Variants in FGGY observed in about 807,000 individuals in gnomAD.
FGGY encodes FGGY carbohydrate kinase domain containing.
In FGGY, 72 loss-of-function variants were observed where a neutral mutation model predicts 71.3. The ratio of observed to expected loss-of-function variants is 1.01; its 90% CI spans 0.84 to 1.23. The LOEUF is 1.23. FGGY is among the 50% of genes most tolerant of loss of function. The pLI, the probability that FGGY is intolerant of heterozygous loss-of-function variation, is 0.00. For missense variants in FGGY, 668 were observed against 682.3 expected (o/e 0.98, Z 0.23); for synonymous variants, 251 against 250.3 (o/e 1.00, Z -0.02).
chr1:59,554,250 CA>C, intron 8 of FGGY, 23 bp downstream of exon 8: 1 of 1,584,688 alleles, frequency 6.3e-7, no homozygotes, highest in Non-Finnish European at 8.7e-7. Flanking sequence ...AGCACAAAGG[CA>C]AGGCCACCAC....
intron 5 of FGGY, among the ~76,000 whole-genome samples, chr1:59,445,969 G>A (rs1232282394): frequency 6.6e-6 from 1 of 152,160 alleles, no homozygotes; most frequent in East Asian, 1.9e-4. Context: ...TAACTTCTGA[G>A]CCTCAGTATT....
At chr1:59,498,961 C>G (rs137915310) in intron 6 of FGGY, among the ~76,000 whole-genome samples, 24 of 152,336 alleles carry the variant, frequency 1.6e-4, no homozygotes, top group Non-Finnish European at 3.1e-4. Context: ...TGGACACTTT[C>G]TGCTGCTTCT....
chr1:59,422,522 G>A lies in FGGY; in HGVS notation c.555-34439G>A, dbSNP rs758302744. 5.9e-5 allele frequency among the ~76,000 whole-genome samples: 9 copies of A among 151,818 alleles called. No homozygotes were observed. The South Asian group carries it at 8.4e-4, about 14-fold the overall frequency. The stretch of plus-strand genomic sequence containing the variant: ...CCAGCCTGGGCAACATGGAAAAACC[G>A]ATCTGTACTAAAAAACTGGAAAATT... On this transcript the variant is annotated intron_variant, in intron 5 of 15. Transcript: ENST00000303721.
chr1:59,585,820 G>A (rs562979563), intron 8 of FGGY, among the ~76,000 whole-genome samples: 27 of 151,964 alleles, frequency 1.8e-4, no homozygotes, highest in African/African-American at 6.5e-4. Context: ...AAACAAATTT[G>A]CAAGAAAAAA....
chr1:59,532,533 T>A (rs2095175360), intron 7 of FGGY, among the ~76,000 whole-genome samples: 1 of 152,210 alleles, frequency 6.6e-6, no homozygotes, highest in Non-Finnish European at 1.5e-5. Flanking sequence ...AATCAATTAA[T>A]GCAATTCCAT....
intron 4 of FGGY, among the ~76,000 whole-genome samples, chr1:59,368,266 G>T (rs573561790): frequency 6.6e-6 from 1 of 152,214 alleles, no homozygotes; most frequent in East Asian, 1.9e-4. Flanking sequence ...GATTGAAATT[G>T]TACGGAAATG....
chr1:59,558,033 A>T (rs2095718710), intron 8 of FGGY, among the ~76,000 whole-genome samples: 2 of 152,192 alleles, frequency 1.3e-5, no homozygotes, highest in Non-Finnish European at 2.9e-5. Context: ...ACATAGGCTC[A>T]TACGCTGCCC....
chr1:59,663,499 A>T (rs1465385728), intron 12 of FGGY, among the ~76,000 whole-genome samples: 1 of 152,228 alleles, frequency 6.6e-6, no homozygotes, highest in African/African-American at 2.4e-5. Context: ...GGTTAAACTT[A>T]ATGCGGGCAG....
chr1:59,566,705 C>T lies in FGGY; in HGVS notation c.903+12478C>T, dbSNP rs141289186. The stretch of plus-strand genomic sequence containing the variant: ...GGGATATATTGCATTAGAATAAAAC[C>T]GAAGTCTTAAATCCTAAATGAAAGT... On this transcript the variant is annotated intron_variant, in intron 8 of 15. Coordinates refer to ENST00000303721, the MANE Select transcript of FGGY (RefSeq NM_018291.5). 6.1e-3 allele frequency among the ~76,000 whole-genome samples: 923 copies of T among 152,156 alleles called. 11 individuals carry two copies. Among genetic ancestry groups the T allele is most frequent in the African/African-American group, 0.021 (879 of 41,520 alleles).
At chr1:59,381,658 TG>T (rs1298331281) in intron 5 of FGGY, among the ~76,000 whole-genome samples, 1 of 151,152 alleles carries the variant, frequency 6.6e-6, no homozygotes, top group African/African-American at 2.4e-5. Flanking sequence ...TGTGTGTGTG[TG>T]TGTGTGTGTG....
chr1:59,667,525 C>T (rs2097336953), intron 13 of FGGY, 122 bp downstream of exon 13: 7 of 1,219,718 alleles, frequency 5.7e-6, no homozygotes, highest in Non-Finnish European at 6.9e-6. Context: ...TAGAATAATC[C>T]TGAAGTCTTT....
intron 14 of FGGY, among the ~76,000 whole-genome samples, chr1:59,713,441 G>C (rs1249386014): frequency 1.3e-5 from 2 of 152,048 alleles, no homozygotes; most frequent in African/African-American, 4.8e-5. Context: ...TCGTGCAGCT[G>C]GTCCCCACTG....
At chr1:59,615,347 A>G (rs534213928) in intron 9 of FGGY, among the ~76,000 whole-genome samples, 1 of 152,326 alleles carries the variant, frequency 6.6e-6, no homozygotes, top group Non-Finnish European at 1.5e-5. Flanking sequence ...ATAATGCCAC[A>G]TATCTACAAC....
At chr1:59,413,966 A>T (rs960032950) in intron 5 of FGGY, among the ~76,000 whole-genome samples, 2 of 152,230 alleles carry the variant, frequency 1.3e-5, no homozygotes, top group African/African-American at 2.4e-5. Flanking sequence ...ATCTCAAAAA[A>T]ACCCAAAAAA....
At chr1:59,675,279 G>A (rs2097424832) in intron 14 of FGGY, among the ~76,000 whole-genome samples, 1 of 152,122 alleles carries the variant, frequency 6.6e-6, no homozygotes, top group African/African-American at 2.4e-5. Context: ...TTTGTTTATT[G>A]TGAACCTCTT....
At chr1:59,660,692 T>C (rs925996860) in intron 12 of FGGY, among the ~76,000 whole-genome samples, 5 of 152,254 alleles carry the variant, frequency 3.3e-5, no homozygotes, top group African/African-American at 9.6e-5. Flanking sequence ...GTCCTTTAAA[T>C]AGTAAGCTTC....
intron 5 of FGGY, among the ~76,000 whole-genome samples, chr1:59,451,177 G>C (rs2072612899): frequency 6.6e-6 from 1 of 151,770 alleles, no homozygotes; most frequent in African/African-American, 2.4e-5. Context: ...TACTTTGAGA[G>C]TCCTACTAAG....
intron 7 of FGGY, among the ~76,000 whole-genome samples, chr1:59,522,130 C>G (rs918948991): frequency 6.6e-6 from 1 of 152,196 alleles, no homozygotes; most frequent in Non-Finnish European, 1.5e-5. Flanking sequence ...ACACTGTGAG[C>G]TACAATTATT....
At chr1:59,631,944 G>C (rs2096912159) in intron 10 of FGGY, among the ~76,000 whole-genome samples, 1 of 151,956 alleles carries the variant, frequency 6.6e-6, no homozygotes, top group Non-Finnish European at 1.5e-5. Flanking sequence ...GATTCTCTTA[G>C]AGGTTCTTAA....
Sources: allele counts gnomAD v4.1 joint callset (sites outside exome capture counted in the v4.1 genomes callset), GRCh38; gene constraint gnomAD v4.1.1; transcripts MANE v1.5; gene names NCBI Gene and HGNC (gene_info 2026-07-23, HGNC 2026-07-21).